Variants in SLC28A1 observed in about 807,000 individuals in gnomAD.
SLC28A1 encodes solute carrier family 28 member 1.
SLC28A1 carries 64 observed loss-of-function variants against 74.8 expected under a neutral mutation model. That is an observed-to-expected ratio of 0.86 (90% CI 0.70 to 1.05). SLC28A1 has a LOEUF of 1.05. Among genes scored for constraint, SLC28A1 ranks in the 50% least tolerant of loss-of-function variants. The probability of loss-of-function intolerance (pLI) is 0.00; values close to 1 mark genes in which losing one functional copy is unlikely to be tolerated. For synonymous variants in SLC28A1, 359 were observed against 335.0 expected (o/e 1.07, Z -0.78); for missense variants, 828 against 822.8 (o/e 1.01, Z -0.08).
chr15:84,940,159 A>G (rs575806528), intron 15 of SLC28A1, among the ~76,000 whole-genome samples: 1 of 152,162 alleles, frequency 6.6e-6, no homozygotes, highest in East Asian at 1.9e-4. Context: ...AACAGCAACT[A>G]TTTTGTGTAA....
chr15:84,920,981 C>T lies in SLC28A1; in HGVS notation c.877-8C>T. 1 of 1,612,038 alleles carries T rather than the reference C, an allele frequency of 6.2e-7. No individual in the cohort carries two copies. Among genetic ancestry groups the T allele is most frequent in the Non-Finnish European group, 8.5e-7 (1 of 1,178,086 alleles). On this transcript the variant is annotated splice_region_variant and splice_polypyrimidine_tract_variant and intron_variant, in intron 10 of 18. Transcript: ENST00000394573. ...TCAGCCCACAAAGAACATTCTGCTT[C>T]CTTCTAGATTGCCTGGCTGATGCAA... is the stretch of plus-strand genomic sequence containing the variant.
At chr15:84,904,691 C>A (rs1966868401) in intron 7 of SLC28A1, among the ~76,000 whole-genome samples, 1 of 152,234 alleles carries the variant, frequency 6.6e-6, no homozygotes, top group African/African-American at 2.4e-5. Context: ...AATGTAACTT[C>A]TTAGGCCCCA....
At chr15:84,974,871 T>C in the SLC28A1 span, among the ~76,000 whole-genome samples, 1 of 152,154 alleles carries the variant, frequency 6.6e-6, no homozygotes, top group Non-Finnish European at 1.5e-5. Flanking sequence ...CACTGAGGCC[T>C]GAAACCCAGA....
At chr15:84,973,304 C>T in the SLC28A1 span, among the ~76,000 whole-genome samples, 1 of 152,116 alleles carries the variant, frequency 6.6e-6, no homozygotes, top group Non-Finnish European at 1.5e-5. Context: ...TTGCAAGAGA[C>T]TAAAAACCAG....
chr15:84,886,639 G>C lies in SLC28A1; in HGVS notation c.-132-33G>C, dbSNP rs1315547370. On this transcript the variant is annotated intron_variant, in intron 1 of 18. Coordinates refer to ENST00000394573, the MANE Select transcript of SLC28A1 (RefSeq NM_004213.5). ...GGCGCTGGGCAGAACTGGGTGGCAG[G>C]CCCAACCTACTCCGACCCTGGACTC... 7.1e-6 allele frequency: 7 copies of C among 985,512 alleles called. No homozygotes were observed. In the East Asian group the frequency reaches 7.9e-4, roughly 112 times the overall value. 61.0% of individuals were successfully genotyped at this position (985,512 alleles called of 1,614,324 possible). A position where few individuals can be genotyped will look rare whatever the true frequency, so the allele number is the denominator to read the frequency against.
At chr15:84,967,147 CAGAT>C in the SLC28A1 span, among the ~76,000 whole-genome samples, 1 of 152,176 alleles carries the variant, frequency 6.6e-6, no homozygotes, top group Non-Finnish European at 1.5e-5. Flanking sequence ...CAAATCCTAA[CAGAT>C]AGAGAAACAG....
chr15:84,945,430 T>C lies in SLC28A1; in HGVS notation c.*230T>C, dbSNP rs1227213034. 1 of 548,628 alleles carries C rather than the reference T, an allele frequency of 1.8e-6. No homozygotes were observed. The highest frequency in any genetic ancestry group is 1.9e-5 in the South Asian group (1 of 52,222). The allele number at this position is 548,628 out of a possible 1,614,324, so 34.0% of individuals were successfully genotyped here. A position where few individuals can be genotyped will look rare whatever the true frequency, so the allele number is the denominator to read the frequency against. The stretch of plus-strand genomic sequence containing the variant: ...CCTTCCTGCTCCCCCATTTCCTAAC[T>C]CCCCCAGTGTGAATTCTCAGGGTCA... On this transcript the variant is annotated 3_prime_UTR_variant, in exon 19 of 19. Transcript: ENST00000394573.
chr15:84,886,878 C>A, intron 2 of SLC28A1, 91 bp downstream of exon 2: 1 of 600,950 alleles, frequency 1.7e-6, no homozygotes, highest in Non-Finnish European at 2.1e-6. Flanking sequence ...TGTGTGTGCA[C>A]GCACATGCAC....
At chr15:84,950,985 G>C in the SLC28A1 span, among the ~76,000 whole-genome samples, 4 of 152,214 alleles carry the variant, frequency 2.6e-5, no homozygotes, top group Non-Finnish European at 5.9e-5. Flanking sequence ...AAAACAGGAG[G>C]CCAACCTGCA....
At chr15:84,929,543 CA>C (rs58184497) in intron 12 of SLC28A1, among the ~76,000 whole-genome samples, 159 of 144,606 alleles carry the variant, frequency 1.1e-3, no homozygotes, top group African/African-American at 1.5e-3. Context: ...GACTCTGTTT[CA>C]AAAAAAAAAA....
chr15:84,941,734 T>TG (rs1972739053), intron 15 of SLC28A1, among the ~76,000 whole-genome samples: 1 of 151,934 alleles, frequency 6.6e-6, no homozygotes, highest in Non-Finnish European at 1.5e-5. Context: ...TAGCCAGGTG[T>TG]GGTAACACAC....
At chr15:84,950,614 G>A (rs1596384241), downstream of SLC28A1, among the ~76,000 whole-genome samples, 5 of 152,206 alleles carry the variant, frequency 3.3e-5, 1 homozygote, top group South Asian at 1.0e-3. Context: ...GGTTGAGGTG[G>A]GAGGATCACT....
chr15:84,890,654 A>C, intron 5 of SLC28A1, 120 bp downstream of exon 5: 9 of 831,168 alleles, frequency 1.1e-5, no homozygotes, highest in East Asian at 2.7e-5. Flanking sequence ...GCACCAACTC[A>C]GGTCCAGCTC....
chr15:84,917,904 G>A (rs887111203), intron 9 of SLC28A1, among the ~76,000 whole-genome samples: 35 of 152,198 alleles, frequency 2.3e-4, no homozygotes, highest in African/African-American at 8.4e-4. Context: ...ATTCTAAAGG[G>A]AGAATGGGTG....
chr15:84,891,086 C>G (rs139584043), intron 5 of SLC28A1, among the ~76,000 whole-genome samples: 283 of 152,202 alleles, frequency 1.9e-3, no homozygotes, highest in African/African-American at 6.4e-3. Flanking sequence ...GGAGGATGCT[C>G]AAGGACTTGG....
At chr15:84,886,500 G>C (rs1964618370) in intron 1 of SLC28A1, 172 bp from the exon 2 acceptor site, 4 of 985,324 alleles carry the variant, frequency 4.1e-6, no homozygotes, top group Non-Finnish European at 4.8e-6. Flanking sequence ...TGATGGAGAA[G>C]CAGCAGCCAG....
chr15:84,908,044 A>C, intron 8 of SLC28A1, among the ~76,000 whole-genome samples: 1 of 152,232 alleles, frequency 6.6e-6, no homozygotes, highest in South Asian at 2.1e-4. Flanking sequence ...CGGGATGGGG[A>C]CAAGATGAGG....
At chr15:84,923,237 C>CTGGTAATTGCTTTTAA (rs1970064099) in intron 11 of SLC28A1, among the ~76,000 whole-genome samples, 1 of 152,136 alleles carries the variant, frequency 6.6e-6, no homozygotes, top group Non-Finnish European at 1.5e-5. Context: ...TGTGCCTGGC[C>CTGGTAATTGCTTTTAA]TACTCAGTTT....
intron 7 of SLC28A1, 69 bp from the exon 8 acceptor site, chr15:84,905,470 C>T: frequency 9.1e-7 from 1 of 1,099,810 alleles, no homozygotes; most frequent in South Asian, 1.3e-5. Context: ...CCCCTGCTCT[C>T]ACCCCCACCC....
Sources: allele counts gnomAD v4.1 joint callset (sites outside exome capture counted in the v4.1 genomes callset), GRCh38; gene constraint gnomAD v4.1.1; transcripts MANE v1.5; gene names NCBI Gene and HGNC (gene_info 2026-07-23, HGNC 2026-07-21).